The following SLAIN2 variants were observed in gnomAD, a reference collection of about 807,000 sequenced individuals.
SLAIN2 encodes the protein SLAIN motif-containing protein 2.
Under a neutral mutation model 56.6 loss-of-function variants are expected in SLAIN2, and 31 were observed. The observed-to-expected ratio is 0.55, with a 90% CI of 0.41 to 0.74. The LOEUF (loss-of-function observed/expected upper bound fraction) is 0.74, where lower values mean the gene tolerates loss of function less well. SLAIN2 is among the 30% of genes least tolerant of loss of function. The pLI is 0.00. For synonymous variants in SLAIN2, 317 were observed against 284.9 expected, an observed-to-expected ratio of 1.11 and a Z score of -1.13; for missense variants, 777 against 754.2, an observed-to-expected ratio of 1.03 and a Z score of -0.35.
intron 6 of SLAIN2, among the ~76,000 whole-genome samples, chr4:48,414,765 G>C (rs1716956301): frequency 2.1e-5 from 2 of 96,342 alleles, no homozygotes; most frequent in Non-Finnish European, 4.1e-5. Context: ...GTGTCCATGT[G>C]ATCTCATTGT....
At position 48,383,768 on chromosome 4, in the gene SLAIN2, A is replaced by ACAT. The variant is rs1716032459; in HGVS notation, c.1345_1346insATC (p.Gln448_Pro449insHis). On this transcript the variant is annotated inframe_insertion, in exon 6 of 8. Transcript: ENST00000264313. ...CAAACGGAGGAATACCTCGTATGCA[A>ACAT]CCTCAGGCTTCAGCCAGTAAGTATC... 7 of 1,612,012 alleles carry ACAT rather than the reference A, an allele frequency of 4.3e-6. No homozygotes were observed. Among genetic ancestry groups the ACAT allele is most frequent in the South Asian group, 1.1e-5 (1 of 90,756 alleles).
chr4:48,368,051 C>CGTTTTTTTTTTTTTTT (rs1715568350), intron 1 of SLAIN2, among the ~76,000 whole-genome samples: 1 of 88,848 alleles, frequency 1.1e-5, no homozygotes, highest in Admixed American at 1.5e-4. Flanking sequence ...GTTTTTGAGG[C>CGTTTTTTTTTTTTTTT]TTTTTTTTTT....
At chr4:48,347,644 A>T (rs1714904171) in intron 1 of SLAIN2, among the ~76,000 whole-genome samples, 1 of 152,182 alleles carries the variant, frequency 6.6e-6, no homozygotes, top group Admixed American at 6.5e-5. Context: ...CATGTTAATA[A>T]TTTTTAAGTT....
chr4:48,406,396 G>C (rs1234023257), intron 6 of SLAIN2, among the ~76,000 whole-genome samples: 5 of 151,980 alleles, frequency 3.3e-5, no homozygotes, highest in Non-Finnish European at 5.9e-5. Flanking sequence ...GCAACACATA[G>C]AATTAGAATA....
chr4:48,355,752 A>G (rs1715140542), intron 1 of SLAIN2, among the ~76,000 whole-genome samples: 1 of 151,980 alleles, frequency 6.6e-6, no homozygotes, highest in South Asian at 2.1e-4. Flanking sequence ...TAATATACAC[A>G]TTTTATATGT....
Position 48,341,902 on chromosome 4 carries a change from T to A in SLAIN2, c.163T>A (p.Ser55Thr). 1 of 1,509,852 alleles carries A rather than the reference T, an allele frequency of 6.6e-7. No individual in the cohort carries two copies. The highest frequency in any genetic ancestry group is 8.8e-7 in the Non-Finnish European group (1 of 1,130,586). The allele number at this position is 1,509,852 out of a possible 1,614,324, so 93.5% of individuals were successfully genotyped here. A position where few individuals can be genotyped will look rare whatever the true frequency, so the allele number is the denominator to read the frequency against. Residue 55 changes from serine to threonine, a missense_variant, in exon 1 of 8, where the codon TCC (serine) becomes ACC (threonine). Transcript: ENST00000264313. ...GPGSPVRAGA[S>T]IPSSGAASPR... The stretch of plus-strand genomic sequence containing the variant: ...CGGCAGCCCGGTTCGGGCCGGCGCG[T>A]CCATTCCCTCCTCCGGCGCGGCGTC...
chr4:48,352,071 A>G (rs1333775119), intron 1 of SLAIN2, among the ~76,000 whole-genome samples: 1 of 152,124 alleles, frequency 6.6e-6, no homozygotes, highest in African/African-American at 2.4e-5. Context: ...CATACTGTGA[A>G]TGGCCTGTGA....
intron 6 of SLAIN2, among the ~76,000 whole-genome samples, chr4:48,384,646 T>A (rs1716057823): frequency 6.6e-6 from 1 of 152,166 alleles, no homozygotes; most frequent in Admixed American, 6.5e-5. Context: ...GATTATAATT[T>A]TTAATAAGTT....
At chr4:48,418,876 G>A (rs775873061) in intron 6 of SLAIN2, among the ~76,000 whole-genome samples, 2 of 152,040 alleles carry the variant, frequency 1.3e-5, no homozygotes, top group African/African-American at 4.8e-5. Context: ...ATGTACACAC[G>A]GACTGTTTTG....
rs57142552 is a variant in SLAIN2, at chr4:48,393,386, T to TTGTGTGTGTGTGTGTG, written c.1360+9624_1360+9639dup. Among the ~76,000 whole-genome samples, 819 of 135,420 alleles carry TTGTGTGTGTGTGTGTG rather than the reference T, an allele frequency of 6.0e-3. 5 individuals carry two copies. The highest frequency in any genetic ancestry group is 0.015 in the Admixed American group (205 of 13,484). 88.8% of individuals were successfully genotyped at this position (135,420 alleles called of 152,430 possible). A position where few individuals can be genotyped will look rare whatever the true frequency, so the allele number is the denominator to read the frequency against. On this transcript the variant is annotated intron_variant, in intron 6 of 7. Transcript: ENST00000264313. Reference sequence around the variant, plus strand: ...CCACAGACACACCACCATGTCTGGCTTGTGTGTGTGTGTGTGTGTGTGTGT... The same window carrying TTGTGTGTGTGTGTGTG: ...CCACAGACACACCACCATGTCTGGCTTGTGTGTGTGTGTGTGTGTGTGTGTGTGTGTGTGTGTGTGT...
intron 6 of SLAIN2, among the ~76,000 whole-genome samples, chr4:48,396,955 C>T (rs1392676098): frequency 6.6e-6 from 1 of 152,180 alleles, no homozygotes; most frequent in Non-Finnish European, 1.5e-5. Context: ...AAAGGATGGA[C>T]ACGTTCTTCT....
At chr4:48,415,404 T>C (rs1274113099) in intron 6 of SLAIN2, among the ~76,000 whole-genome samples, 490 of 48,028 alleles carry the variant, frequency 0.01, no homozygotes, top group African/African-American at 0.022. Context: ...TTTGATGGGG[T>C]TGTTTGTTTT....
At chr4:48,373,432 A>G (rs1005005100) in intron 2 of SLAIN2, among the ~76,000 whole-genome samples, 6 of 152,088 alleles carry the variant, frequency 3.9e-5, no homozygotes, top group African/African-American at 7.2e-5. Flanking sequence ...ATCTGTTTAT[A>G]TGGTGTCTAG....
chr4:48,342,340 C>T (rs571419448), intron 1 of SLAIN2, among the ~76,000 whole-genome samples: 4 of 152,290 alleles, frequency 2.6e-5, no homozygotes, highest in African/African-American at 9.6e-5. Context: ...GCTCGTTGTC[C>T]TTTGGATTGT....
At chr4:48,393,912 T>C (rs1172859349) in intron 6 of SLAIN2, among the ~76,000 whole-genome samples, 1 of 152,138 alleles carries the variant, frequency 6.6e-6, no homozygotes, top group Non-Finnish European at 1.5e-5. Context: ...TGGAAAACTT[T>C]AAAAGGTAGA....
intron 3 of SLAIN2, among the ~76,000 whole-genome samples, chr4:48,378,991 A>G (rs964408823): frequency 6.6e-6 from 1 of 152,174 alleles, no homozygotes; most frequent in African/African-American, 2.4e-5. Flanking sequence ...TTTCAGATAA[A>G]TCTGTAATAG....
Position 48,383,692 on chromosome 4 carries a change from C to A in SLAIN2, c.1268C>A (p.Thr423Lys), listed in dbSNP as rs751909465. ...CCAAACCTGTCCCGAACATCTAATA[C>A]ACAAGTTGACTCAGTGAAAAGCAGC... ...SLPNLSRTSN[T>K]QVDSVKSSRS... is the part of the protein sequence containing the mutation. Residue 423 changes from threonine to lysine, a missense_variant, in exon 6 of 8, where the codon ACA becomes AAA. Physicochemically the swap from Thr to Lys is moderately conservative, Grantham distance 78. Transcript: ENST00000264313. 2.3e-5 allele frequency: 37 copies of A among 1,608,682 alleles called. No individual in the cohort carries two copies. Among genetic ancestry groups the A allele is most frequent in the Middle Eastern group, 3.3e-4 (2 of 6,070 alleles).
chr4:48,341,751 T>C lies in SLAIN2; in HGVS notation c.12T>C (p.Val4=), dbSNP rs545007039. The change falls in exon 1 of 8, where the codon GTT becomes GTC. Residue 4 remains valine, a synonymous_variant. Transcript: ENST00000264313. ...GCGGCGGGGCCGGGATGGAGGACGT[T>C]AACTCCAACGTGAACGCGGACCAGG... MED[V]NSNVNADQEV... is the part of the protein sequence containing the mutation. 1.1e-3 allele frequency: 1,631 copies of C among 1,533,334 alleles called. 13 individuals carry two copies. In the African/African-American group the frequency reaches 0.021, roughly 19 times the overall value. 95.0% of individuals were successfully genotyped at this position (1,533,334 alleles called of 1,614,324 possible).
intron 2 of SLAIN2, among the ~76,000 whole-genome samples, chr4:48,376,781 C>A (rs1302784573): frequency 6.6e-6 from 1 of 151,260 alleles, no homozygotes; most frequent in Non-Finnish European, 1.5e-5. Context: ...CGCCACCACA[C>A]CTGGCTAATT....
Sources: gnomAD v4.1 joint callset for allele counts (sites outside exome capture counted in the v4.1 genomes callset) on GRCh38, gnomAD v4.1.1 for gene constraint, MANE v1.5 for transcripts, NCBI Gene and HGNC (gene_info 2026-07-23, HGNC 2026-07-21) for gene names.